The following CNST variants were observed in gnomAD, a reference collection of about 807,000 sequenced individuals.
The protein encoded by CNST is consortin.
CNST carries 39 observed loss-of-function variants against 72.4 expected under a neutral mutation model. That is an observed-to-expected ratio of 0.54 (90% CI 0.42 to 0.70). The LOEUF is 0.70. Ranked by LOEUF, CNST falls within the 30% of genes least tolerant of loss-of-function variation. The pLI is 0.00. For missense variants in CNST, 871 were observed against 868.5 expected (o/e 1.00, Z -0.04); for synonymous variants, 332 against 320.1 (o/e 1.04, Z -0.40).
At chr1:246,626,782 G>C (rs565217217) in intron 3 of CNST, among the ~76,000 whole-genome samples, 2 of 152,094 alleles carry the variant, frequency 1.3e-5, no homozygotes, top group East Asian at 3.9e-4. Context: ...CTGAACTCCA[G>C]ACTTAACTAT....
intron 9 of CNST, chr1:246,648,263 C>T: frequency 1.6e-6 from 2 of 1,289,324 alleles, no homozygotes; most frequent in South Asian, 4.1e-5. Context: ...TATTGCATGC[C>T]TCCAGCTAGA....
At chr1:246,608,890 C>T (rs1358931719) in intron 2 of CNST, among the ~76,000 whole-genome samples, 2 of 152,208 alleles carry the variant, frequency 1.3e-5, no homozygotes, top group Non-Finnish European at 2.9e-5. Flanking sequence ...TGTTGTATGC[C>T]TAGTAAATTC....
intron 2 of CNST, among the ~76,000 whole-genome samples, chr1:246,620,908 G>A (rs1316235742): frequency 6.6e-6 from 1 of 152,102 alleles, no homozygotes; most frequent in Non-Finnish European, 1.5e-5. Context: ...ACTACAGGGA[G>A]GATGGCTTCA....
At chr1:246,590,405 A>C (rs1343473813) in intron 1 of CNST, among the ~76,000 whole-genome samples, 1 of 152,040 alleles carries the variant, frequency 6.6e-6, no homozygotes, top group African/African-American at 2.4e-5. Flanking sequence ...TCGTCTGGCT[A>C]TTTATCTTAC....
At chr1:246,648,322 G>A in intron 9 of CNST, 1 of 778,094 alleles carries the variant, frequency 1.3e-6, no homozygotes, top group Non-Finnish European at 1.6e-6. Context: ...ACTGTTATGT[G>A]GCAGTTCCAG....
Position 246,665,707 on chromosome 1 carries a change from T to C in CNST, c.1980T>C (p.Val660=), listed in dbSNP as rs373415307. ...TCTTTCTCATGTTTGCAGATGAAGT[T>C]GGAGGTGGCTCCTGTATTTTGCTGG... is the stretch of plus-strand genomic sequence containing the variant. ...EIDDSLDQDE[V]GGGSCILLVL... is the part of the protein sequence containing the mutation. The change falls in exon 11 of 11, where the codon GTT becomes GTC. Residue 660 remains valine, a synonymous_variant. Coordinates refer to ENST00000366513, the MANE Select transcript of CNST (RefSeq NM_152609.3). 39 of 1,612,704 alleles carry C rather than the reference T, an allele frequency of 2.4e-5. No homozygotes were observed. The highest frequency in any genetic ancestry group is 2.0e-4 in the Middle Eastern group (1 of 5,010).
intron 2 of CNST, 36 bp downstream of exon 2, chr1:246,591,977 T>C (rs747079976): frequency 1.3e-6 from 2 of 1,514,178 alleles, no homozygotes; most frequent in Non-Finnish European, 1.8e-6. Flanking sequence ...TCTTCTTTAA[T>C]TAATTAAAAA....
chr1:246,636,042 G>T (rs1443805934), intron 6 of CNST, among the ~76,000 whole-genome samples: 2 of 152,222 alleles, frequency 1.3e-5, no homozygotes, highest in Non-Finnish European at 2.9e-5. Context: ...ATCGTCAGCT[G>T]GTGTTCCTAG....
intron 3 of CNST, among the ~76,000 whole-genome samples, chr1:246,628,076 G>T (rs144181683): frequency 0.017 from 2,543 of 152,172 alleles, 150 homozygotes; most frequent in Admixed American, 0.11. Context: ...CATCCAGCAC[G>T]CGAGAAAGAT....
rs1322826834 is a variant in CNST, at chr1:246,667,928, C to G, written c.*2023C>G. The G allele has an allele frequency of 6.6e-6, 1 of 152,206 alleles. No homozygotes were observed. The highest frequency in any genetic ancestry group is 6.5e-5 in the Admixed American group (1 of 15,278). 9.4% of individuals were successfully genotyped at this position (152,206 alleles called of 1,614,324 possible). A position where few individuals can be genotyped will look rare whatever the true frequency, so the allele number is the denominator to read the frequency against. On this transcript the variant is annotated 3_prime_UTR_variant, in exon 11 of 11. Coordinates refer to ENST00000366513, the MANE Select transcript of CNST (RefSeq NM_152609.3). ...GGCAACCAGAGCCACTTCCTCTGAA[C>G]CCAACATCTCCTGGGGACCTTCGCA... is the stretch of plus-strand genomic sequence containing the variant.
chr1:246,601,555 G>A (rs4551565), intron 2 of CNST, among the ~76,000 whole-genome samples: 3,378 of 152,224 alleles, frequency 0.022, 130 homozygotes, highest in African/African-American at 0.077. Flanking sequence ...AGCACTTTGG[G>A]AGGCTGAGGC....
chr1:246,595,775 A>G (rs1477526199), intron 2 of CNST, among the ~76,000 whole-genome samples: 1 of 151,494 alleles, frequency 6.6e-6, no homozygotes, highest in African/African-American at 2.5e-5. Flanking sequence ...CAAAAAAAAG[A>G]ACATGTAAAA....
chr1:246,575,341 A>T (rs1369868790), intron 1 of CNST, among the ~76,000 whole-genome samples: 1 of 152,220 alleles, frequency 6.6e-6, no homozygotes, highest in Non-Finnish European at 1.5e-5. Context: ...ATGAATAGAT[A>T]AATAAAAGGT....
chr1:246,614,446 A>G (rs1201520045), intron 2 of CNST, among the ~76,000 whole-genome samples: 2 of 151,120 alleles, frequency 1.3e-5, no homozygotes, highest in Admixed American at 1.3e-4. Context: ...AATAATTGCC[A>G]CTCTTTACCT....
intron 1 of CNST, among the ~76,000 whole-genome samples, chr1:246,590,402 G>T (rs762557508): frequency 4.6e-5 from 7 of 152,058 alleles, no homozygotes; most frequent in Non-Finnish European, 8.8e-5. Context: ...GGGTCGTCTG[G>T]CTATTTATCT....
At chr1:246,613,165 A>G (rs1285736661) in intron 2 of CNST, among the ~76,000 whole-genome samples, 1 of 152,222 alleles carries the variant, frequency 6.6e-6, no homozygotes, top group African/African-American at 2.4e-5. Context: ...ACTGAGATAA[A>G]GTACATCCCA....
At position 246,641,957 on chromosome 1, in the gene CNST, A is replaced by C; in HGVS notation, c.857A>C (p.Lys286Thr). 1 of 1,611,644 alleles carries C rather than the reference A, an allele frequency of 6.2e-7. No individual in the cohort carries two copies. Among genetic ancestry groups the C allele is most frequent in the Non-Finnish European group, 8.5e-7 (1 of 1,178,830 alleles). Residue 286 changes from lysine to threonine, a missense_variant, in exon 8 of 11, where the codon AAG becomes ACG. By Grantham distance (78) the Lys-to-Thr change is moderately conservative. Transcript: ENST00000366513. Reference protein sequence around the residue: ...LSKHKIAAVEKSQERKCSTQL... With the variant: ...LSKHKIAAVETSQERKCSTQL... ...ACTTTTTAGATAGCAGCTGTGGAGA[A>C]GTCCCAGGAAAGGAAATGCTCCACG...
In CNST at chr1:246,641,721, A is replaced by G; in HGVS notation, c.819-28A>G. The stretch of plus-strand genomic sequence containing the variant: ...ATATTGCTGCTGTAATTTTTTTAAA[A>G]TTCTTTTTTCTTTCTTTTTTCCTAC... On this transcript the variant is annotated intron_variant, in intron 6 of 10. Transcript: ENST00000366513. 3 of 1,252,610 alleles carry G rather than the reference A, an allele frequency of 2.4e-6. No individual in the cohort carries two copies. In the East Asian group the frequency reaches 7.0e-5, roughly 29 times the overall value. 77.6% of individuals were successfully genotyped at this position (1,252,610 alleles called of 1,614,324 possible). A position where few individuals can be genotyped will look rare whatever the true frequency, so the allele number is the denominator to read the frequency against.
At chr1:246,599,462 A>T (rs989811397) in intron 2 of CNST, among the ~76,000 whole-genome samples, 92 of 152,134 alleles carry the variant, frequency 6.0e-4, no homozygotes, top group African/African-American at 2.2e-3. Flanking sequence ...CCCTTCCTCC[A>T]TCTTCAAGGC....
Sources: allele counts gnomAD v4.1 joint callset (sites outside exome capture counted in the v4.1 genomes callset), GRCh38; gene constraint gnomAD v4.1.1; transcripts MANE v1.5; gene names NCBI Gene and HGNC (gene_info 2026-07-23, HGNC 2026-07-21).